HERC2: variants seen among roughly 807,000 people sequenced by gnomAD.
The protein encoded by HERC2 is E3 ubiquitin-protein ligase HERC2.
Under a neutral mutation model 537.7 loss-of-function variants are expected in HERC2, and 102 were observed. That is an observed-to-expected ratio of 0.19 (90% CI 0.16 to 0.22). The LOEUF (loss-of-function observed/expected upper bound fraction) is 0.22, where lower values mean the gene tolerates loss of function less well. HERC2 is among the 10% of genes least tolerant of loss of function. The pLI, the probability that HERC2 is intolerant of heterozygous loss-of-function variation, is 1.00. For missense variants in HERC2, 4,236 were observed against 6,198.2 expected (o/e 0.68, Z 10.63); for synonymous variants, 2,224 against 2,466.2 (o/e 0.90, Z 2.91).
In HERC2 at chr15:28,115,554, G is replaced by T. The variant is rs776680499; in HGVS notation, c.13610-13C>A. 2 of 1,590,334 alleles carry T rather than the reference G, an allele frequency of 1.3e-6. No individual in the cohort carries two copies. The highest frequency in any genetic ancestry group is 2.7e-5 in the African/African-American group (2 of 74,394). On this transcript the variant is annotated splice_polypyrimidine_tract_variant and intron_variant, in intron 88 of 92. Coordinates refer to ENST00000261609, the MANE Select transcript of HERC2 (RefSeq NM_004667.6). ...CCCAGCAACACACCTGATCATTCAGGACACAAGTGACAGAGGACACTTCAA... is the reference window on the plus strand; with the variant it reads ...CCCAGCAACACACCTGATCATTCAGTACACAAGTGACAGAGGACACTTCAA...
rs2075701303 is a variant in HERC2 at position 28,270,706 on chromosome 15, T to C, written c.1246A>G (p.Thr416Ala). ...PCMPPLCSSP[T>A]SHKGSLQEVI... ...TCTTGCACACACACCTTATGAGATG[T>C]CGGAGAGCTACACAGCGGAGGCATA... The change falls in exon 10 of 93, where the codon ACA becomes GCA. Residue 416 changes from threonine (T) to alanine (A), a missense_variant. Transcript: ENST00000261609. 5.0e-6 allele frequency: 8 copies of C among 1,613,650 alleles called. No homozygotes were observed. Among genetic ancestry groups the C allele is most frequent in the Non-Finnish European group, 5.9e-6 (7 of 1,179,778 alleles).
In HERC2 at chr15:28,311,041, C is replaced by T. The variant is rs1357891837; in HGVS notation, c.72+10321G>A. Among the ~76,000 whole-genome samples, 4 of 118,026 alleles carry T rather than the reference C, an allele frequency of 3.4e-5. No homozygotes were observed. In the Middle Eastern group the frequency reaches 0.019, roughly 560 times the overall value. The allele number at this position is 118,026 out of a possible 152,430, so 77.4% of individuals were successfully genotyped here. On this transcript the variant is annotated intron_variant, in intron 2 of 92. Coordinates refer to ENST00000261609, the MANE Select transcript of HERC2 (RefSeq NM_004667.6). ...GCAGTGAGTGGAGATCGCACCACAG[C>T]ACTCCAGCCTGGGTGACAGAGTGGG...
chr15:28,216,307 TTAAA>T (rs1390586483), intron 38 of HERC2, among the ~76,000 whole-genome samples: 2 of 146,488 alleles, frequency 1.4e-5, no homozygotes, highest in African/African-American at 2.7e-5. Context: ...TCTGCACCAC[TTAAA>T]TATTTTTTTT....
At chr15:28,173,158 T>A (rs1167870489) in intron 65 of HERC2, among the ~76,000 whole-genome samples, 2 of 152,216 alleles carry the variant, frequency 1.3e-5, no homozygotes, top group Non-Finnish European at 2.9e-5. Context: ...CAAAACAGTA[T>A]GTAGCGATCT....
intron 2 of HERC2, among the ~76,000 whole-genome samples, chr15:28,311,764 G>A (rs573820562): frequency 6.6e-6 from 1 of 152,238 alleles, no homozygotes; most frequent in African/African-American, 2.4e-5. Context: ...GGAGACCCCT[G>A]CCCAGACCTG....
Position 28,256,415 on chromosome 15 carries a change from T to G in HERC2, c.2518-98A>C, listed in dbSNP as rs535599285. ...AATAAAAGTCAATTTCAAGTATTATTTAAATAGACAATTTCTCAGTTTATG... is the reference window on the plus strand; with the variant it reads ...AATAAAAGTCAATTTCAAGTATTATGTAAATAGACAATTTCTCAGTTTATG... On this transcript the variant is annotated intron_variant, in intron 17 of 92. Coordinates refer to ENST00000261609, the MANE Select transcript of HERC2 (RefSeq NM_004667.6). 158 of 836,226 alleles carry G rather than the reference T, an allele frequency of 1.9e-4. 4 individuals are homozygous for G. The South Asian group carries it at 2.7e-3, about 14-fold the overall frequency. The allele number at this position is 836,226 out of a possible 1,614,324, so 51.8% of individuals were successfully genotyped here.
chr15:28,289,636 A>C (rs118141530), intron 4 of HERC2, among the ~76,000 whole-genome samples: 1 of 152,336 alleles, frequency 6.6e-6, no homozygotes, highest in South Asian at 2.1e-4. Context: ...GTATTCGCTA[A>C]GAGAAGTGTC....
At chr15:28,263,517 G>A (rs550550781) in intron 14 of HERC2, among the ~76,000 whole-genome samples, 8 of 152,244 alleles carry the variant, frequency 5.3e-5, no homozygotes, top group South Asian at 2.1e-4. Context: ...AGATGCTTGC[G>A]GACCACCCTC....
At chr15:28,170,258 G>A (rs1054765929) in intron 65 of HERC2, among the ~76,000 whole-genome samples, 4 of 152,226 alleles carry the variant, frequency 2.6e-5, no homozygotes, top group South Asian at 2.1e-4. Context: ...AAATAAGGAG[G>A]AGGAATGAGT....
intron 55 of HERC2, among the ~76,000 whole-genome samples, chr15:28,189,151 A>G (rs1346597534): frequency 1.3e-5 from 2 of 152,200 alleles, no homozygotes; most frequent in Admixed American, 1.3e-4. Flanking sequence ...CTTAAGATGC[A>G]GTGGCTCCAC....
Position 28,178,194 on chromosome 15 carries a change from A to G in HERC2, c.9164-685T>C, listed in dbSNP as rs574138070. Among the ~76,000 whole-genome samples the G allele has an allele frequency of 2.6e-5, 4 of 152,160 alleles. No homozygotes were observed. In the East Asian group the frequency reaches 7.8e-4, roughly 30 times the overall value. On this transcript the variant is annotated intron_variant, in intron 59 of 92. Coordinates refer to ENST00000261609, the MANE Select transcript of HERC2 (RefSeq NM_004667.6). ...CTGCCCCCAGGAGATGGTGACTGAAATGAGTGGGGCTTCCGAGGGGCTCTG... is the reference window on the plus strand; with the variant it reads ...CTGCCCCCAGGAGATGGTGACTGAAGTGAGTGGGGCTTCCGAGGGGCTCTG...
At chr15:28,145,979 G>C (rs1269844868) in intron 71 of HERC2, among the ~76,000 whole-genome samples, 1 of 152,148 alleles carries the variant, frequency 6.6e-6, no homozygotes, top group Non-Finnish European at 1.5e-5. Context: ...CACGTCTCCA[G>C]CACCTTCTGC....
Position 28,220,632 on chromosome 15 carries a change from G to A in HERC2, c.5665C>T (p.Pro1889Ser), listed in dbSNP as rs767712217. ...TCACCAATCACGCGGCCTAGGCCTG[G>A]AGGAGGCCCATCCTGAGAAAGCCAA... The part of the protein sequence containing the change: ...WKWGDQDGPP[P>S]GLGRVIGELG... Residue 1889 changes from proline (P) to serine (S), a missense_variant, in exon 37 of 93, where the codon CCA becomes TCA. Physicochemically the swap from Pro to Ser is moderately conservative, Grantham distance 74 (BLOSUM62 -1). This residue lies in a region of HERC2 where 365 missense variants were observed against 468.8 expected (regional missense o/e 0.78). Coordinates refer to ENST00000261609, the MANE Select transcript of HERC2 (RefSeq NM_004667.6). The A allele has an allele frequency of 3.1e-6, 5 of 1,604,006 alleles. No homozygotes were observed. The East Asian group carries it at 8.9e-5, about 29-fold the overall frequency.
Position 28,280,102 on chromosome 15 carries a change from T to C in HERC2, c.508A>G (p.Ser170Gly). 2.5e-6 allele frequency: 4 copies of C among 1,614,138 alleles called. No individual in the cohort carries two copies. The highest frequency in any genetic ancestry group is 3.4e-6 in the Non-Finnish European group (4 of 1,180,006). ...TCCACAGGAGGCAGAGAAATACCGC[T>C]GCTTTTCCACTTAACTTTGACATTC... is the stretch of plus-strand genomic sequence containing the variant. ...QENVKVKWKS[S>G]GISLPPVDKK... The change falls in exon 5 of 93, where the codon AGC becomes GGC. Residue 170 changes from serine to glycine, a missense_variant. Coordinates refer to ENST00000261609, the MANE Select transcript of HERC2 (RefSeq NM_004667.6).
rs1158677922 is a variant in HERC2, at chr15:28,142,401, C to T, written c.11545-8G>A. ...AGCAAGAGCTACCAGTACCTGCAGG[C>T]ACCAAAAATGACAAACTCAGGGAAA... On this transcript the variant is annotated splice_region_variant and splice_polypyrimidine_tract_variant and intron_variant, in intron 75 of 92. Coordinates refer to ENST00000261609, the MANE Select transcript of HERC2 (RefSeq NM_004667.6). 2 of 1,609,594 alleles carry T rather than the reference C, an allele frequency of 1.2e-6. No individual in the cohort carries two copies. Among genetic ancestry groups the T allele is most frequent in the Non-Finnish European group, 8.5e-7 (1 of 1,178,106 alleles).
intron 2 of HERC2, among the ~76,000 whole-genome samples, chr15:28,317,247 C>T (rs895215592): frequency 4.6e-5 from 7 of 152,152 alleles, no homozygotes; most frequent in African/African-American, 7.2e-5. Flanking sequence ...CACACTACCA[C>T]GCCTGACTCT....
Position 28,177,609 on chromosome 15 carries a change from A to G in HERC2, c.9164-100T>C, listed in dbSNP as rs1895421484. The G allele has an allele frequency of 1.0e-6, 1 of 963,746 alleles. No homozygotes were observed. The highest frequency in any genetic ancestry group is 1.7e-6 in the Non-Finnish European group (1 of 597,686). The allele number at this position is 963,746 out of a possible 1,614,324, so 59.7% of individuals were successfully genotyped here. A position where few individuals can be genotyped will look rare whatever the true frequency, so the allele number is the denominator to read the frequency against. ...TTGCCTGGCATATAGCACACACTCAATGAGCGTGAGCTGAATAAATGAGTA... is the reference window on the plus strand; with the variant it reads ...TTGCCTGGCATATAGCACACACTCAGTGAGCGTGAGCTGAATAAATGAGTA... On this transcript the variant is annotated intron_variant, in intron 59 of 92. Coordinates refer to ENST00000261609, the MANE Select transcript of HERC2 (RefSeq NM_004667.6). This position sits in a 1 kb window ranked among gnomAD's most constrained non-coding sequence, Gnocchi z 5.0.
chr15:28,313,406 C>T (rs1481112467), intron 2 of HERC2, among the ~76,000 whole-genome samples: 3 of 152,168 alleles, frequency 2.0e-5, no homozygotes, highest in Non-Finnish European at 2.9e-5. Flanking sequence ...GTCTCGACCT[C>T]CTGACCTTGT....
At chr15:28,307,870 C>T (rs2076834470) in intron 2 of HERC2, among the ~76,000 whole-genome samples, 1 of 152,040 alleles carries the variant, frequency 6.6e-6, no homozygotes, top group Admixed American at 6.6e-5. Context: ...CGTAGATGTG[C>T]GGATTTGTTT....
Sources: allele counts gnomAD v4.1 joint callset (sites outside exome capture counted in the v4.1 genomes callset), GRCh38; gene constraint gnomAD v4.1.1; regional missense constraint gnomAD v4.1.1; non-coding constraint Gnocchi (gnomAD v3.1); transcripts MANE v1.5; gene names NCBI Gene and HGNC (gene_info 2026-07-23, HGNC 2026-07-21).